Variants in FMN1 observed in about 807,000 individuals in gnomAD.
The protein encoded by FMN1 is formin-1.
FMN1 carries 110 observed loss-of-function variants against 132.4 expected under a neutral mutation model. That is an observed-to-expected ratio of 0.83 (90% confidence interval 0.71 to 0.97). FMN1 has a LOEUF of 0.97. Among genes scored for constraint, FMN1 ranks in the 50% least tolerant of loss-of-function variants. The pLI is 0.00. For missense variants in FMN1, 1,792 were observed against 1,705.3 expected (o/e 1.05, Z -0.90); for synonymous variants, 722 against 651.7 (o/e 1.11, Z -1.64).
intron 19 of FMN1, among the ~76,000 whole-genome samples, chr15:32,794,053 T>G (rs889723418): frequency 2.0e-5 from 3 of 152,158 alleles, no homozygotes; most frequent in African/African-American, 7.2e-5. Flanking sequence ...GCTTTCAGGA[T>G]AGCCTCACAA....
At chr15:32,964,044 CACACATAT>C in intron 9 of FMN1, 55 bp downstream of exon 9, 2 of 1,220,798 alleles carry the variant, frequency 1.6e-6, no homozygotes, top group Non-Finnish European at 2.4e-6. Flanking sequence ...CACACACACA[CACACATAT>C]ATACCATTTC....
intron 12 of FMN1, among the ~76,000 whole-genome samples, chr15:32,906,406 T>C (rs957705846): frequency 2.6e-5 from 4 of 152,260 alleles, no homozygotes; most frequent in African/African-American, 9.6e-5. Flanking sequence ...TAAAATGTCA[T>C]TGGGGCACAG....
chr15:33,078,797 GGA>G (rs376480199), intron 5 of FMN1, among the ~76,000 whole-genome samples: 297 of 152,156 alleles, frequency 2.0e-3, no homozygotes, highest in African/African-American at 7.0e-3. Flanking sequence ...CCTTCATCCT[GGA>G]GAGAGAGAGG....
chr15:32,895,606 C>T (rs570949146), intron 15 of FMN1, among the ~76,000 whole-genome samples: 82 of 152,150 alleles, frequency 5.4e-4, no homozygotes, highest in African/African-American at 1.8e-3. Context: ...ATTTACCATA[C>T]ATGACAGTCC....
At chr15:32,927,309 T>C (rs1211726814) in intron 9 of FMN1, among the ~76,000 whole-genome samples, 1 of 152,138 alleles carries the variant, frequency 6.6e-6, no homozygotes, top group Non-Finnish European at 1.5e-5. Context: ...CAGGCTGGAG[T>C]AGAGTGACGC....
intron 6 of FMN1, among the ~76,000 whole-genome samples, chr15:33,010,276 G>C (rs2034641100): frequency 1.3e-5 from 2 of 152,156 alleles, no homozygotes; most frequent in African/African-American, 4.8e-5. Flanking sequence ...ATGAAGAACA[G>C]ATCAGAATAG....
intron 4 of FMN1, among the ~76,000 whole-genome samples, chr15:33,102,088 G>C (rs2039315552): frequency 6.6e-6 from 1 of 152,020 alleles, no homozygotes. Flanking sequence ...TCTTTTGGGT[G>C]TACTCTGTAC....
At chr15:32,922,815 T>C (rs1028336504) in intron 10 of FMN1, among the ~76,000 whole-genome samples, 16 of 152,360 alleles carry the variant, frequency 1.1e-4, no homozygotes, top group African/African-American at 3.8e-4. Context: ...AATCACGTAC[T>C]GTATTTTGTC....
At chr15:33,117,033 G>A (rs1595508110) in intron 4 of FMN1, among the ~76,000 whole-genome samples, 1 of 152,230 alleles carries the variant, frequency 6.6e-6, no homozygotes, top group Non-Finnish European at 1.5e-5. Flanking sequence ...AATTTCAGAG[G>A]AGCTATGGAC....
intron 4 of FMN1, among the ~76,000 whole-genome samples, chr15:33,097,711 G>T (rs1393929135): frequency 6.6e-6 from 1 of 152,096 alleles, no homozygotes; most frequent in Non-Finnish European, 1.5e-5. Flanking sequence ...GACATAACAT[G>T]CCTACATTTT....
At chr15:33,175,136 C>T (rs936104115) in intron 3 of FMN1, among the ~76,000 whole-genome samples, 1 of 152,126 alleles carries the variant, frequency 6.6e-6, no homozygotes, top group Admixed American at 6.5e-5. Context: ...AGCAATCCTC[C>T]CACCTCAGGC....
chr15:33,154,715 T>G lies in FMN1; in HGVS notation c.200A>C (p.Asp67Ala). The change falls in exon 4 of 21, where the codon GAC (aspartate) becomes GCC (alanine). Residue 67 changes from aspartate (D) to alanine (A), a missense_variant. This residue lies in a region of FMN1 where 638 missense variants were observed against 645.2 expected (regional missense o/e 0.99). Transcript: ENST00000616417. ...SDIISLSQEP[D>A]EHPGDIFFKQ... is the part of the protein sequence containing the mutation. ...GAAAAATATGTCGCCTGGATGTTCG[T>G]CCGGCTCCTGGCTGAGGCTGATGAT... is the stretch of plus-strand genomic sequence containing the variant. 1 of 1,536,154 alleles carries G rather than the reference T, an allele frequency of 6.5e-7. No homozygotes were observed.
At chr15:33,034,124 T>TC (rs1179629766) in intron 6 of FMN1, among the ~76,000 whole-genome samples, 1 of 152,178 alleles carries the variant, frequency 6.6e-6, no homozygotes, top group Non-Finnish European at 1.5e-5. Flanking sequence ...AGCTCAGAGC[T>TC]CCGTTTCCCA....
At chr15:32,905,768 A>G (rs2060409860) in intron 12 of FMN1, among the ~76,000 whole-genome samples, 1 of 152,262 alleles carries the variant, frequency 6.6e-6, no homozygotes, top group African/African-American at 2.4e-5. Context: ...AAACATGCTT[A>G]TAGTCGACTC....
intron 5 of FMN1, chr15:33,066,484 TA>T: frequency 6.8e-7 from 1 of 1,464,398 alleles, no homozygotes; most frequent in Non-Finnish European, 9.1e-7. Flanking sequence ...TATTTTATGT[TA>T]AAATGCAAAA....
rs139642828 is a variant in FMN1, at chr15:32,915,818, T to C, written c.3227-5283A>G. 3.5e-3 allele frequency among the ~76,000 whole-genome samples: 531 copies of C among 152,358 alleles called. 12 individuals are homozygous for C. Among genetic ancestry groups the C allele is most frequent in the Admixed American group, 0.026 (400 of 15,304 alleles). On this transcript the variant is annotated intron_variant, in intron 10 of 20. Coordinates refer to ENST00000616417, the MANE Select transcript of FMN1 (RefSeq NM_001277313.2). ...TACTTTTATCTCCTTCCCTCCTTAG[T>C]TGTCCCACTCACACTGTCAGTTCGG...
At chr15:33,178,445 G>A (rs530178308) in intron 3 of FMN1, among the ~76,000 whole-genome samples, 4 of 152,038 alleles carry the variant, frequency 2.6e-5, no homozygotes, top group Non-Finnish European at 4.4e-5. Flanking sequence ...TCCTGCTCTC[G>A]GTCTCAAGTC....
At chr15:33,079,377 G>A (rs539468666) in intron 5 of FMN1, among the ~76,000 whole-genome samples, 4 of 152,146 alleles carry the variant, frequency 2.6e-5, no homozygotes, top group Non-Finnish European at 5.9e-5. Context: ...ATCCCAGCAC[G>A]CAGGAAGGCT....
intron 4 of FMN1, among the ~76,000 whole-genome samples, chr15:33,125,878 T>C (rs973831938): frequency 6.6e-6 from 1 of 152,186 alleles, no homozygotes; most frequent in East Asian, 1.9e-4. Flanking sequence ...TTCTCAAGCA[T>C]GACTGATTGG....
Sources: gnomAD v4.1 joint callset for allele counts (sites outside exome capture counted in the v4.1 genomes callset) on GRCh38, gnomAD v4.1.1 for gene constraint, gnomAD v4.1.1 regional missense constraint, MANE v1.5 for transcripts, NCBI Gene and HGNC (gene_info 2026-07-23, HGNC 2026-07-21) for gene names.